Variants in FARS2 observed in about 807,000 individuals in gnomAD.
The protein encoded by FARS2 is phenylalanine--tRNA ligase, mitochondrial.
In FARS2, 40 loss-of-function variants were observed where a neutral mutation model predicts 46.4. The observed-to-expected ratio is 0.86, with a 90% CI of 0.67 to 1.12. The LOEUF is 1.12. Among genes scored for constraint, FARS2 ranks in the 50% most tolerant of loss-of-function variants. The probability of loss-of-function intolerance (pLI) is 0.00; values close to 1 mark genes in which losing one functional copy is unlikely to be tolerated. For synonymous variants in FARS2, 234 were observed against 214.9 expected (o/e 1.09, Z -0.78); for missense variants, 513 against 567.9 (o/e 0.90, Z 0.98).
chr6:5,595,653 T>C (rs1184449149), intron 5 of FARS2, among the ~76,000 whole-genome samples: 3 of 152,190 alleles, frequency 2.0e-5, no homozygotes, highest in African/African-American at 7.2e-5. Flanking sequence ...GGGATGGTCA[T>C]TGCCACAGCT....
upstream of FARS2, among the ~76,000 whole-genome samples, chr6:5,259,709 T>G (rs1300613341): frequency 6.6e-6 from 1 of 152,048 alleles, no homozygotes; most frequent in Admixed American, 6.6e-5. Context: ...GTCACCTAAG[T>G]GAGGCTTGAG....
chr6:5,634,707 A>G (rs1776459061), intron 6 of FARS2, among the ~76,000 whole-genome samples: 4 of 152,236 alleles, frequency 2.6e-5, no homozygotes. Flanking sequence ...AGCAAAAGAT[A>G]GCCTTACTCT....
At chr6:5,250,326 G>A in the FARS2 span, among the ~76,000 whole-genome samples, 5 of 151,998 alleles carry the variant, frequency 3.3e-5, no homozygotes, top group East Asian at 1.9e-4. Context: ...GCAATGACAC[G>A]CAGATCTAAT....
chr6:5,683,054 G>A (rs188160204), intron 6 of FARS2, among the ~76,000 whole-genome samples: 7 of 152,356 alleles, frequency 4.6e-5, no homozygotes, highest in Non-Finnish European at 8.8e-5. Context: ...ATGTAGGGCT[G>A]TGTGGGCCTC....
chr6:5,685,607 G>A (rs1222766344), intron 6 of FARS2, among the ~76,000 whole-genome samples: 1 of 152,236 alleles, frequency 6.6e-6, no homozygotes, highest in African/African-American at 2.4e-5. Context: ...AAGCCAGAGT[G>A]ACTCTGGGCT....
intron 6 of FARS2, among the ~76,000 whole-genome samples, chr6:5,679,335 G>A (rs1778914819): frequency 6.6e-6 from 1 of 152,140 alleles, no homozygotes; most frequent in Non-Finnish European, 1.5e-5. Context: ...CGACCAAAAT[G>A]TGTCCTGGGG....
At chr6:5,475,084 T>C (rs920587172) in intron 4 of FARS2, among the ~76,000 whole-genome samples, 1 of 152,196 alleles carries the variant, frequency 6.6e-6, no homozygotes, top group Non-Finnish European at 1.5e-5. Context: ...AATTGACAAG[T>C]ACCACAAGAG....
At chr6:5,405,294 G>A (rs549829844) in intron 3 of FARS2, among the ~76,000 whole-genome samples, 17 of 152,202 alleles carry the variant, frequency 1.1e-4, no homozygotes, top group Admixed American at 1.0e-3. Flanking sequence ...GGTACGAAAT[G>A]TTTCACTTGT....
chr6:5,496,427 G>T (rs765422647), intron 4 of FARS2, among the ~76,000 whole-genome samples: 1 of 152,212 alleles, frequency 6.6e-6, no homozygotes, highest in Non-Finnish European at 1.5e-5. Context: ...CTTGACATCT[G>T]TGTAGAGCAT....
chr6:5,620,548 T>C (rs1775716571), intron 6 of FARS2, among the ~76,000 whole-genome samples: 1 of 152,168 alleles, frequency 6.6e-6, no homozygotes, highest in Non-Finnish European at 1.5e-5. Flanking sequence ...CTTCACTCTT[T>C]CCATGGTGTC....
At chr6:5,250,478 T>G in the FARS2 span, among the ~76,000 whole-genome samples, 1 of 152,248 alleles carries the variant, frequency 6.6e-6, no homozygotes, top group Admixed American at 6.5e-5. Flanking sequence ...TTTTTATTTT[T>G]TGAAACCATT....
In FARS2 at chr6:5,601,906, A is replaced by C. The variant is rs943196295; in HGVS notation, c.1066-11263A>C. On this transcript the variant is annotated intron_variant, in intron 5 of 6. Coordinates refer to ENST00000274680, the MANE Select transcript of FARS2 (RefSeq NM_006567.5). Reference sequence around the variant, plus strand: ...CATAAAAGCTGCAAAGTGGTCCTTTAACTAAACGTGGCCATGGTTAGAAGC... The same window carrying C: ...CATAAAAGCTGCAAAGTGGTCCTTTCACTAAACGTGGCCATGGTTAGAAGC... Among the ~76,000 whole-genome samples the C allele has an allele frequency of 2.0e-5, 3 of 152,312 alleles. 1 individual carries two copies. Among genetic ancestry groups the C allele is most frequent in the Middle Eastern group, 6.8e-3 (2 of 294 alleles).
chr6:5,539,384 G>GTGTGTGTATATATATATATATATATA, intron 4 of FARS2, among the ~76,000 whole-genome samples: 1 of 79,582 alleles, frequency 1.3e-5, no homozygotes, highest in Non-Finnish European at 2.8e-5. Context: ...TTTTTTTTGT[G>GTGTGTGTATATATATATATATATATA]TATATATATA....
chr6:5,563,338 T>C (rs1298399511), intron 5 of FARS2, among the ~76,000 whole-genome samples: 1 of 152,036 alleles, frequency 6.6e-6, no homozygotes, highest in African/African-American at 2.4e-5. Context: ...GCCAGGAACA[T>C]GTGGGGAAAG....
chr6:5,291,085 A>C (rs1468513605), intron 1 of FARS2: 1 of 152,216 alleles, frequency 6.6e-6, no homozygotes, highest in African/African-American at 2.4e-5. Context: ...GTATATAAGA[A>C]TCTACCTGTA....
intron 3 of FARS2, 42 bp from the exon 4 acceptor site, chr6:5,430,999 G>A: frequency 6.3e-7 from 1 of 1,595,224 alleles, no homozygotes; most frequent in South Asian, 1.1e-5. Flanking sequence ...AGGGCAGACA[G>A]CTATTTAACA....
the FARS2 span, among the ~76,000 whole-genome samples, chr6:5,252,780 G>T: frequency 6.6e-6 from 1 of 152,140 alleles, no homozygotes. Context: ...AAATAAGGAT[G>T]TATTTGGAGC....
chr6:5,279,471 AT>A (rs1201394632), intron 1 of FARS2, among the ~76,000 whole-genome samples: 3 of 150,964 alleles, frequency 2.0e-5, no homozygotes, highest in African/African-American at 7.3e-5. Context: ...ACAAGTGTAT[AT>A]AAATGGAGTT....
At chr6:5,367,848 A>T (rs1035031554) in intron 1 of FARS2, among the ~76,000 whole-genome samples, 2 of 152,360 alleles carry the variant, frequency 1.3e-5, no homozygotes, top group East Asian at 3.9e-4. Flanking sequence ...ACAGCTGTCC[A>T]TTGATATAGT....
Sources: allele counts gnomAD v4.1 joint callset (sites outside exome capture counted in the v4.1 genomes callset), GRCh38; gene constraint gnomAD v4.1.1; transcripts MANE v1.5; gene names NCBI Gene and HGNC (gene_info 2026-07-23, HGNC 2026-07-21).